Variants in RREB1 observed in about 807,000 individuals in gnomAD.
RREB1 encodes ras-responsive element-binding protein 1.
RREB1 carries 27 observed loss-of-function variants against 117.8 expected under a neutral mutation model. The observed-to-expected ratio is 0.23, with a 90% CI of 0.17 to 0.32. The LOEUF (loss-of-function observed/expected upper bound fraction) is 0.32, where lower values mean the gene tolerates loss of function less well. Among genes scored for constraint, RREB1 ranks in the 10% least tolerant of loss-of-function variants. RREB1 has a pLI of 1.00. For missense variants in RREB1, 2,577 were observed against 2,378.2 expected, an observed-to-expected ratio of 1.08 and a Z score of -1.74; for synonymous variants, 1,298 against 1,026.7, an observed-to-expected ratio of 1.26 and a Z score of -5.05.
intron 1 of RREB1, among the ~76,000 whole-genome samples, chr6:7,115,660 C>T (rs996207265): frequency 2.6e-5 from 4 of 152,028 alleles, no homozygotes; most frequent in African/African-American, 7.3e-5. Context: ...TCCTGCAGAA[C>T]GCACTCTGCG....
chr6:7,240,187 A>G (rs188176339), intron 10 of RREB1, among the ~76,000 whole-genome samples: 2 of 152,046 alleles, frequency 1.3e-5, no homozygotes, highest in African/African-American at 4.8e-5. Flanking sequence ...CTTTAAATGT[A>G]TATTTTTCAG....
At position 7,118,530 on chromosome 6, in the gene RREB1, T is replaced by G. The variant is rs190640346; in HGVS notation, c.-285+10470T>G. 6.0e-3 allele frequency among the ~76,000 whole-genome samples: 919 copies of G among 152,330 alleles called. 5 individuals carry two copies. The highest frequency in any genetic ancestry group is 7.7e-3 in the Non-Finnish European group (523 of 68,036). On this transcript the variant is annotated intron_variant, in intron 1 of 12. Coordinates refer to ENST00000379938, the MANE Select transcript of RREB1 (RefSeq NM_001003699.4). ...ACATCTCAAACAGGTTTTCTATGGCTTGGTTAGTTAAATCTGTATGTATTT... is the reference window on the plus strand; with the variant it reads ...ACATCTCAAACAGGTTTTCTATGGCGTGGTTAGTTAAATCTGTATGTATTT...
In RREB1 at chr6:7,181,963, A is replaced by G. The variant is rs1581501658; in HGVS notation, c.52A>G (p.Asn18Asp). ...GGAAGGTTCAGACCTATCTTCCATCAACACCATGATGTCGGCGGTCATGAG... is the reference window on the plus strand; with the variant it reads ...GGAAGGTTCAGACCTATCTTCCATCGACACCATGATGTCGGCGGTCATGAG... ...GLEGSDLSSI[N>D]TMMSAVMSVG... The change falls in exon 4 of 13, where the codon AAC (asparagine) becomes GAC (aspartate). Residue 18 changes from asparagine to aspartate, a missense_variant. Transcript: ENST00000379938. 6.2e-7 allele frequency: 1 copy of G among 1,614,164 alleles called. No individual in the cohort carries two copies. The highest frequency in any genetic ancestry group is 2.2e-5 in the East Asian group (1 of 44,880).
intron 3 of RREB1, chr6:7,181,558 G>C (rs1404986391): frequency 1.9e-6 from 1 of 533,710 alleles, no homozygotes; most frequent in East Asian, 3.2e-5. Flanking sequence ...CTTTGTCATT[G>C]TTGGCTTGGC....
Position 7,231,758 on chromosome 6 carries a change from A to C in RREB1, c.3659A>C (p.Asp1220Ala). The stretch of plus-strand genomic sequence containing the variant: ...CCTGCCGACCACCATGGGCCCAGTG[A>C]TGAAGAGCAGGGCAGTCCCCCAGAA... Reference protein sequence around the residue: ...GAPADHHGPSDEEQGSPPEDK... With the variant: ...GAPADHHGPSAEEQGSPPEDK... The change falls in exon 10 of 13, where the codon GAT becomes GCT. Residue 1220 changes from aspartate to alanine, a missense_variant. Coordinates refer to ENST00000379938, the MANE Select transcript of RREB1 (RefSeq NM_001003699.4). 2 of 1,613,828 alleles carry C rather than the reference A, an allele frequency of 1.2e-6. No homozygotes were observed. The highest frequency in any genetic ancestry group is 8.5e-7 in the Non-Finnish European group (1 of 1,180,006).
intron 8 of RREB1, among the ~76,000 whole-genome samples, chr6:7,225,874 G>A (rs187973133): frequency 1.8e-4 from 27 of 152,252 alleles, no homozygotes; most frequent in Admixed American, 6.5e-4. Flanking sequence ...CTGTCAGGGC[G>A]CCTGGGCTCA....
chr6:7,124,627 TTTTC>T (rs1761831373), intron 1 of RREB1, among the ~76,000 whole-genome samples: 1 of 152,208 alleles, frequency 6.6e-6, no homozygotes, highest in South Asian at 2.1e-4. Context: ...TATAATTTAG[TTTTC>T]ACCCTTTGTT....
intron 1 of RREB1, among the ~76,000 whole-genome samples, chr6:7,137,849 C>T (rs1429702214): frequency 6.6e-6 from 1 of 151,848 alleles, no homozygotes; most frequent in Non-Finnish European, 1.5e-5. Context: ...GGTGGTAGGC[C>T]CGGCGAGCGG....
At chr6:7,210,109 C>CT (rs1766501729) in intron 6 of RREB1, among the ~76,000 whole-genome samples, 1 of 152,232 alleles carries the variant, frequency 6.6e-6, no homozygotes, top group South Asian at 2.1e-4. Flanking sequence ...ATAAGACTCT[C>CT]TTTTTGGAGT....
rs1334260385 is a variant in RREB1, at chr6:7,251,961, G to A, written c.*2993G>A. On this transcript the variant is annotated 3_prime_UTR_variant, in exon 13 of 13. Transcript: ENST00000379938. ...GTATCAAACCATTTAAGCAATAAATGTTATATTTTAAAAGCTGCAGATTGC... is the reference window on the plus strand; with the variant it reads ...GTATCAAACCATTTAAGCAATAAATATTATATTTTAAAAGCTGCAGATTGC... The A allele has an allele frequency of 6.6e-6, 1 of 152,206 alleles. No homozygotes were observed. The highest frequency in any genetic ancestry group is 1.5e-5 in the Non-Finnish European group (1 of 68,042). The allele number at this position is 152,206 out of a possible 1,614,324, so 9.4% of individuals were successfully genotyped here. A position where few individuals can be genotyped will look rare whatever the true frequency, so the allele number is the denominator to read the frequency against.
rs1011019339 is a variant in RREB1, at chr6:7,250,179, C to G, written c.*1211C>G. The G allele has an allele frequency of 6.6e-6, 1 of 152,348 alleles. No homozygotes were observed. The highest frequency in any genetic ancestry group is 2.4e-5 in the African/African-American group (1 of 41,424). The allele number at this position is 152,348 out of a possible 1,614,324, so 9.4% of individuals were successfully genotyped here. A position where few individuals can be genotyped will look rare whatever the true frequency, so the allele number is the denominator to read the frequency against. ...TGACCCAGTGACCAGGCACATTACT[C>G]GTGAGCGAGGTATTCCCAGTCTTCC... On this transcript the variant is annotated 3_prime_UTR_variant, in exon 13 of 13. Transcript: ENST00000379938.
Position 7,231,518 on chromosome 6 carries a change from C to G in RREB1, c.3419C>G (p.Ser1140Cys), listed in dbSNP as rs747363494. Residue 1140 changes from serine (S) to cysteine (C), a missense_variant, in exon 10 of 13, where the codon TCT becomes TGT. Transcript: ENST00000379938. ...PAPASSPEAASPTEQGPAGTS... is the reference protein window; with the variant it reads ...PAPASSPEAACPTEQGPAGTS... Reference sequence around the variant, plus strand: ...CCAGCCAGCAGCCCAGAGGCTGCCTCTCCCACCGAGCAGGGCCCAGCGGGC... The same window carrying G: ...CCAGCCAGCAGCCCAGAGGCTGCCTGTCCCACCGAGCAGGGCCCAGCGGGC... 2.5e-6 allele frequency: 4 copies of G among 1,609,152 alleles called. No individual in the cohort carries two copies. The highest frequency in any genetic ancestry group is 3.4e-6 in the Non-Finnish European group (4 of 1,177,838).
chr6:7,153,105 G>GTTTTT (rs369606887), intron 1 of RREB1, among the ~76,000 whole-genome samples: 2 of 105,032 alleles, frequency 1.9e-5, no homozygotes, highest in Non-Finnish European at 4.0e-5. Flanking sequence ...TTGTGAGAGG[G>GTTTTT]TTTTTTTTTT....
chr6:7,139,112 G>GC (rs1762457836), intron 1 of RREB1: 1 of 152,178 alleles, frequency 6.6e-6, no homozygotes, highest in Admixed American at 6.5e-5. Flanking sequence ...TGCCCTGCCT[G>GC]CCTGGTACTG....
In RREB1 at chr6:7,231,557, G is replaced by A. The variant is rs756715911; in HGVS notation, c.3458G>A (p.Arg1153Lys). ...EQGPAGTSKK[R>K]GRKRGMRSRP... ...GGCCCAGCGGGCACGTCGAAGAAGA[G>A]GGGCCGGAAAAGGGGGATGAGGAGC... The change falls in exon 10 of 13, where the codon AGG (arginine) becomes AAG (lysine). Residue 1153 changes from arginine to lysine, a missense_variant. Physicochemically the swap from Arg to Lys is conservative, Grantham distance 26. Transcript: ENST00000379938. The A allele has an allele frequency of 1.9e-6, 3 of 1,610,572 alleles. No individual in the cohort carries two copies. The highest frequency in any genetic ancestry group is 2.2e-5 in the South Asian group (2 of 90,932).
chr6:7,174,151 C>CTTTT (rs59106767), intron 1 of RREB1, among the ~76,000 whole-genome samples: 23,387 of 130,644 alleles, frequency 0.18, 2,827 homozygotes, highest in African/African-American at 0.33. Context: ...CTAGTCTTTC[C>CTTTT]TTTTTTTTTT....
At chr6:7,115,873 A>G (rs1345073527) in intron 1 of RREB1, among the ~76,000 whole-genome samples, 3 of 152,152 alleles carry the variant, frequency 2.0e-5, no homozygotes, top group South Asian at 2.1e-4. Context: ...CTTCTAGGCC[A>G]GGAGTCTTAC....
intron 8 of RREB1, among the ~76,000 whole-genome samples, chr6:7,224,227 C>T (rs1341801059): frequency 2.0e-5 from 3 of 152,114 alleles, no homozygotes; most frequent in Non-Finnish European, 4.4e-5. Context: ...TCTTCCCCAA[C>T]CCAGGTAATT....
chr6:7,227,604 A>G (rs558271477), intron 9 of RREB1, among the ~76,000 whole-genome samples: 5 of 152,186 alleles, frequency 3.3e-5, no homozygotes, highest in Admixed American at 1.3e-4. Context: ...CCCCAGTCCT[A>G]TGATAATCGG....
Sources: gnomAD v4.1 joint callset for allele counts (sites outside exome capture counted in the v4.1 genomes callset) on GRCh38, gnomAD v4.1.1 for gene constraint, MANE v1.5 for transcripts, NCBI Gene and HGNC (gene_info 2026-07-23, HGNC 2026-07-21) for gene names.